METTL2A: variants seen among roughly 807,000 people sequenced by gnomAD.
The protein encoded by METTL2A is tRNA N(3)-cytidine methyltransferase METTL2A.
METTL2A carries 45 observed loss-of-function variants against 49.4 expected under a neutral mutation model. The observed-to-expected ratio is 0.91, with a 90% CI of 0.72 to 1.17. The LOEUF is 1.17. Among genes scored for constraint, METTL2A ranks in the 50% most tolerant of loss-of-function variants. The pLI is 0.00. For synonymous variants in METTL2A, 118 were observed against 167.5 expected (o/e 0.70, Z 2.28); for missense variants, 361 against 462.2 (o/e 0.78, Z 2.01).
chr17:62,431,801 A>T (rs1179487750), intron 4 of METTL2A, among the ~76,000 whole-genome samples: 1 of 151,452 alleles, frequency 6.6e-6, no homozygotes, highest in Admixed American at 6.6e-5. Context: ...GCTCACTGCA[A>T]CCTCTGCCTC....
chr17:62,448,323 G>A (rs2070782210), intron 8 of METTL2A, among the ~76,000 whole-genome samples: 1 of 152,048 alleles, frequency 6.6e-6, no homozygotes, highest in African/African-American at 2.4e-5. Context: ...ATTTTAAGGT[G>A]TTCATAGAGC....
At position 62,432,801 on chromosome 17, in the gene METTL2A, CA is replaced by C. The variant is rs530858790; in HGVS notation, c.609-2418del. Among the ~76,000 whole-genome samples the C allele has an allele frequency of 2.3e-3, 324 of 137,880 alleles. 1 individual carries two copies. Among genetic ancestry groups the C allele is most frequent in the African/African-American group, 6.5e-3 (248 of 38,214 alleles). 90.5% of individuals were successfully genotyped at this position (137,880 alleles called of 152,430 possible). A position where few individuals can be genotyped will look rare whatever the true frequency, so the allele number is the denominator to read the frequency against. ...TGGGTGACAGAGTGAGACTCCGTCT[CA>C]AAAAAAAAAAAATTGCCAAGCATGC... On this transcript the variant is annotated intron_variant, in intron 4 of 8. Coordinates refer to ENST00000311506, the MANE Select transcript of METTL2A (RefSeq NM_181725.4).
At chr17:62,444,790 C>G in intron 6 of METTL2A, 47 bp from the exon 7 acceptor site, 1 of 1,596,456 alleles carries the variant, frequency 6.3e-7, no homozygotes, top group Non-Finnish European at 8.6e-7. Context: ...AAGAGAACCC[C>G]GTCTTTAAGG....
Position 62,443,753 on chromosome 17 carries a change from C to T in METTL2A, c.810-1084C>T, listed in dbSNP as rs111718917. Reference sequence around the variant, plus strand: ...TACAGGTGCCTGCCACCATCCCTGGCTAATTTTTTTGTATTTTTAGTAGAG... The same window carrying T: ...TACAGGTGCCTGCCACCATCCCTGGTTAATTTTTTTGTATTTTTAGTAGAG... On this transcript the variant is annotated intron_variant, in intron 6 of 8. Transcript: ENST00000311506. Among the ~76,000 whole-genome samples, 18 of 152,190 alleles carry T rather than the reference C, an allele frequency of 1.2e-4. No individual in the cohort carries two copies. In the South Asian group the frequency reaches 3.7e-3, roughly 32 times the overall value.
intron 8 of METTL2A, among the ~76,000 whole-genome samples, 195 bp from the exon 9 acceptor site, chr17:62,448,380 C>T (rs988671887): frequency 6.6e-5 from 10 of 152,092 alleles, no homozygotes; most frequent in Non-Finnish European, 1.5e-4. Flanking sequence ...GAAAAAACCG[C>T]GGCCCATACG....
intron 5 of METTL2A, 128 bp from the exon 6 acceptor site, chr17:62,440,489 A>C: frequency 7.3e-7 from 1 of 1,362,506 alleles, no homozygotes; most frequent in Non-Finnish European, 9.8e-7. Context: ...CAAGAAAAAA[A>C]AGAAAAAAGA....
chr17:62,435,123 A>C, intron 4 of METTL2A, 109 bp from the exon 5 acceptor site: 1 of 1,480,032 alleles, frequency 6.8e-7, no homozygotes, highest in South Asian at 1.2e-5. Flanking sequence ...AGTTTATTTG[A>C]ATGAATGATA....
At chr17:62,435,009 G>A (rs2070691093) in intron 4 of METTL2A, 1 of 541,820 alleles carries the variant, frequency 1.8e-6, no homozygotes, top group South Asian at 3.0e-5. Context: ...AAACTCCCTG[G>A]TTGTTTTATA....
rs2070811086 is a variant in METTL2A, at chr17:62,452,438, C to T, written c.*3709C>T. Among the ~76,000 whole-genome samples the T allele has an allele frequency of 6.6e-6, 1 of 152,220 alleles. No homozygotes were observed. Among genetic ancestry groups the T allele is most frequent in the Non-Finnish European group, 1.5e-5 (1 of 68,046 alleles). On this transcript the variant is annotated 3_prime_UTR_variant, in exon 9 of 9. Coordinates refer to ENST00000311506, the MANE Select transcript of METTL2A (RefSeq NM_181725.4). Reference sequence around the variant, plus strand: ...AAATATCCTGTTCCTCATCAAACTTCTACCCCCTAGTTTCAGTATCTATTG... The same window carrying T: ...AAATATCCTGTTCCTCATCAAACTTTTACCCCCTAGTTTCAGTATCTATTG...
chr17:62,447,264 C>CA (rs548773297), intron 7 of METTL2A, among the ~76,000 whole-genome samples: 1 of 151,788 alleles, frequency 6.6e-6, no homozygotes, highest in Non-Finnish European at 1.5e-5. Context: ...ACTAAAAATA[C>CA]AAAAAATTAG....
In METTL2A at chr17:62,424,018, C is replaced by T; in HGVS notation, c.110+6C>T. ...GTCTTCCACCACAATGCCTGGTAATCACTCTGCCCCTTCGCCCGGCCTGTC... is the reference window on the plus strand; with the variant it reads ...GTCTTCCACCACAATGCCTGGTAATTACTCTGCCCCTTCGCCCGGCCTGTC... On this transcript the variant is annotated splice_donor_region_variant and intron_variant, in intron 1 of 8. Transcript: ENST00000311506. 3 of 1,613,366 alleles carry T rather than the reference C, an allele frequency of 1.9e-6. No individual in the cohort carries two copies. Among genetic ancestry groups the T allele is most frequent in the Non-Finnish European group, 2.5e-6 (3 of 1,179,786 alleles).
At chr17:62,446,710 TG>T (rs1482002490) in intron 7 of METTL2A, among the ~76,000 whole-genome samples, 7 of 152,380 alleles carry the variant, frequency 4.6e-5, no homozygotes, top group Non-Finnish European at 1.0e-4. Flanking sequence ...AGCAAAACTT[TG>T]TAAACAAAGT....
chr17:62,438,065 C>G (rs1009465752), intron 5 of METTL2A, among the ~76,000 whole-genome samples: 6 of 151,788 alleles, frequency 4.0e-5, no homozygotes, highest in Admixed American at 1.3e-4. Flanking sequence ...GTCAGGAGTT[C>G]AAGACCAGCC....
At position 62,424,237 on chromosome 17, in the gene METTL2A, G is replaced by C. The variant is rs1401136742; in HGVS notation, c.129G>C (p.Ser43=). 1.2e-6 allele frequency: 2 copies of C among 1,614,010 alleles called. No homozygotes were observed. The highest frequency in any genetic ancestry group is 1.7e-6 in the Non-Finnish European group (2 of 1,180,024). Residue 43 remains serine (S), a synonymous_variant, in exon 2 of 9, where the codon TCG becomes TCC. Coordinates refer to ENST00000311506, the MANE Select transcript of METTL2A (RefSeq NM_181725.4). ...TTCTCAGGGACAATGTGGAGTGGTC[G>C]GAAGAGCAAGCCGCGGCGGCGGAGA... The part of the protein sequence containing the change: ...HHNAWDNVEW[S]EEQAAAAERK...
chr17:62,440,751 A>C lies in METTL2A; in HGVS notation c.804A>C (p.Pro268=). 1 of 1,613,032 alleles carries C rather than the reference A, an allele frequency of 6.2e-7. No individual in the cohort carries two copies. Among genetic ancestry groups the C allele is most frequent in the East Asian group, 2.2e-5 (1 of 44,872 alleles). The change falls in exon 6 of 9, where the codon CCA becomes CCC. Residue 268 remains proline (P), a synonymous_variant. Coordinates refer to ENST00000311506, the MANE Select transcript of METTL2A (RefSeq NM_181725.4). ...TATTTGTTCTTTCAGCAATTGTTCC[A>C]GACAAGTAAGTTTGGGTCCCTTGGC... ...ILIFVLSAIV[P]DKMQKAINRL...
intron 7 of METTL2A, among the ~76,000 whole-genome samples, chr17:62,446,525 C>T (rs1003449550): frequency 1.3e-5 from 2 of 152,188 alleles, no homozygotes; most frequent in African/African-American, 4.8e-5. Flanking sequence ...GTTGGTCAGG[C>T]TGGTCTCGAA....
At chr17:62,437,074 A>G (rs1428037786) in intron 5 of METTL2A, among the ~76,000 whole-genome samples, 1 of 152,076 alleles carries the variant, frequency 6.6e-6, no homozygotes. Context: ...AAGAAAGAAT[A>G]AGACTAAAAA....
At chr17:62,437,789 T>C (rs1567735851) in intron 5 of METTL2A, among the ~76,000 whole-genome samples, 1 of 151,954 alleles carries the variant, frequency 6.6e-6, no homozygotes, top group Non-Finnish European at 1.5e-5. Context: ...CTGACCAATA[T>C]GGTGAAACCC....
At position 62,424,234 on chromosome 17, in the gene METTL2A, G is replaced by A. The variant is rs764721768; in HGVS notation, c.126G>A (p.Trp42Ter). The A allele has an allele frequency of 7.4e-6, 12 of 1,614,160 alleles. No homozygotes were observed. Among genetic ancestry groups the A allele is most frequent in the Non-Finnish European group, 5.9e-6 (7 of 1,180,026 alleles). ...ATTTTCTCAGGGACAATGTGGAGTG[G>A]TCGGAAGAGCAAGCCGCGGCGGCGG... ...FHHNAWDNVE[W>*]SEEQAAAAER... The change falls in exon 2 of 9, where the codon TGG becomes TGA. Residue 42 changes from tryptophan to a stop codon, truncating the protein, a stop_gained. Transcript: ENST00000311506. LOFTEE classifies it high-confidence loss of function.
Sources: allele counts gnomAD v4.1 joint callset (sites outside exome capture counted in the v4.1 genomes callset), GRCh38; gene constraint gnomAD v4.1.1; transcripts MANE v1.5; gene names NCBI Gene and HGNC (gene_info 2026-07-23, HGNC 2026-07-21).